The following RIN2 variants were observed in gnomAD, a reference collection of about 807,000 sequenced individuals.
RIN2 encodes the protein Ras and Rab interactor 2.
RIN2 carries 36 observed loss-of-function variants against 78.0 expected under a neutral mutation model. The ratio of observed to expected loss-of-function variants is 0.46; its 90% CI spans 0.35 to 0.61. The LOEUF is 0.61. Ranked by LOEUF, RIN2 falls within the 20% of genes least tolerant of loss-of-function variation. The pLI, the probability that RIN2 is intolerant of heterozygous loss-of-function variation, is 0.00. For missense variants in RIN2, 1,087 were observed against 1,159.7 expected, an observed-to-expected ratio of 0.94 and a Z score of 0.91; for synonymous variants, 466 against 466.8, an observed-to-expected ratio of 1.00 and a Z score of 0.02.
intron 9 of RIN2, among the ~76,000 whole-genome samples, chr20:19,979,587 A>G (rs902976610): frequency 2.0e-5 from 3 of 152,176 alleles, no homozygotes; most frequent in African/African-American, 4.8e-5. Flanking sequence ...AACAATCACA[A>G]CTACTCTGGT....
chr20:19,909,676 T>C (rs2039376893), intron 3 of RIN2, among the ~76,000 whole-genome samples: 1 of 152,214 alleles, frequency 6.6e-6, no homozygotes, highest in African/African-American at 2.4e-5. Flanking sequence ...CTTTTACAGA[T>C]GAGGAAACTG....
At chr20:19,935,449 C>T (rs946760673) in intron 4 of RIN2, 1 of 1,257,190 alleles carries the variant, frequency 8.0e-7, no homozygotes, top group Non-Finnish European at 1.0e-6. Context: ...AACCCGGAAA[C>T]CTAAAATTGT....
At chr20:19,991,439 T>C (rs912332046) in intron 10 of RIN2, among the ~76,000 whole-genome samples, 17 of 152,148 alleles carry the variant, frequency 1.1e-4, no homozygotes. Flanking sequence ...AATTCTTCTT[T>C]TGGGGGCTGC....
chr20:19,862,010 T>C (rs2037359274), intron 2 of RIN2, among the ~76,000 whole-genome samples: 1 of 151,804 alleles, frequency 6.6e-6, no homozygotes, highest in African/African-American at 2.4e-5. Context: ...TCACCCTCCA[T>C]ATCTGATGAT....
At chr20:19,823,920 G>C (rs1010206857) in intron 2 of RIN2, 2 of 1,579,700 alleles carry the variant, frequency 1.3e-6, no homozygotes, top group Non-Finnish European at 1.7e-6. Context: ...CTTTGATCTC[G>C]TTCGGGTCGA....
chr20:19,870,204 A>G (rs538894391), intron 2 of RIN2, among the ~76,000 whole-genome samples: 181 of 152,326 alleles, frequency 1.2e-3, no homozygotes, highest in Non-Finnish European at 2.2e-3. Context: ...CCTAATCATC[A>G]TATGATACTT....
At chr20:19,906,246 T>C (rs2039214086) in intron 3 of RIN2, among the ~76,000 whole-genome samples, 2 of 152,108 alleles carry the variant, frequency 1.3e-5, no homozygotes, top group Admixed American at 6.5e-5. Context: ...GTTTGGGAGT[T>C]TGAGACCAGC....
intron 1 of RIN2, among the ~76,000 whole-genome samples, chr20:19,782,997 C>T (rs1171096127): frequency 1.3e-5 from 2 of 152,156 alleles, no homozygotes; most frequent in African/African-American, 4.8e-5. Flanking sequence ...AAACCATTTC[C>T]ATCTCTCTTA....
At chr20:19,952,347 G>C (rs139273323) in intron 4 of RIN2, among the ~76,000 whole-genome samples, 5 of 152,202 alleles carry the variant, frequency 3.3e-5, no homozygotes, top group African/African-American at 1.2e-4. Flanking sequence ...CCCTAGAGGA[G>C]GGGCTCTAGG....
intron 3 of RIN2, chr20:19,934,603 T>C (rs1317101619): frequency 1.0e-6 from 1 of 983,956 alleles, no homozygotes; most frequent in Admixed American, 6.1e-5. Context: ...ATCATTTTGA[T>C]GTCGTCAGAA....
At chr20:19,822,649 AAT>A (rs2035960142) in intron 2 of RIN2, among the ~76,000 whole-genome samples, 1 of 126,838 alleles carries the variant, frequency 7.9e-6, no homozygotes, top group African/African-American at 4.0e-5. Flanking sequence ...ATGAGAGCAA[AAT>A]ACACACACAC....
chr20:19,784,519 G>A (rs966799276), intron 1 of RIN2, among the ~76,000 whole-genome samples: 1 of 152,018 alleles, frequency 6.6e-6, no homozygotes, highest in Non-Finnish European at 1.5e-5. Context: ...GTAGAATAAT[G>A]GTGGTTGCCT....
At chr20:19,914,017 C>T (rs998164969) in intron 3 of RIN2, among the ~76,000 whole-genome samples, 3 of 152,246 alleles carry the variant, frequency 2.0e-5, no homozygotes, top group East Asian at 1.9e-4. Context: ...TGATGGGGTG[C>T]GTGTGAAGTT....
chr20:19,880,499 G>A (rs931254848), intron 2 of RIN2, among the ~76,000 whole-genome samples: 2 of 138,622 alleles, frequency 1.4e-5, no homozygotes, highest in African/African-American at 2.7e-5. Context: ...AGGCTCAAGC[G>A]ATTCTTCCAC....
chr20:19,865,608 C>T (rs2037482624), intron 2 of RIN2, among the ~76,000 whole-genome samples: 1 of 151,580 alleles, frequency 6.6e-6, no homozygotes, highest in South Asian at 2.1e-4. Flanking sequence ...CCTCCTCAGC[C>T]TCTCAAAAAG....
chr20:19,997,485 A>C (rs1445278798), intron 12 of RIN2, among the ~76,000 whole-genome samples: 1 of 152,190 alleles, frequency 6.6e-6, no homozygotes, highest in Non-Finnish European at 1.5e-5. Context: ...AAGGCCAGGC[A>C]TCAGGGCTCA....
intron 12 of RIN2, 146 bp from the exon 13 acceptor site, chr20:20,000,467 A>T (rs2043108926): frequency 1.6e-6 from 1 of 633,900 alleles, no homozygotes; most frequent in Non-Finnish European, 2.7e-6. Flanking sequence ...TTTCCTTGCC[A>T]TTCGAAGCCT....
chr20:19,764,056 T>G (rs543432784), intron 1 of RIN2, among the ~76,000 whole-genome samples: 1 of 152,334 alleles, frequency 6.6e-6, no homozygotes, highest in Admixed American at 6.5e-5. Flanking sequence ...ACATTTGTAT[T>G]TTTAATGAGT....
At chr20:19,907,409 G>T (rs1471931861) in intron 3 of RIN2, among the ~76,000 whole-genome samples, 1 of 152,218 alleles carries the variant, frequency 6.6e-6, no homozygotes, top group Non-Finnish European at 1.5e-5. Flanking sequence ...GCTGGGGGTT[G>T]CCCTGGCCTG....
Sources: allele counts gnomAD v4.1 joint callset (sites outside exome capture counted in the v4.1 genomes callset), GRCh38; gene constraint gnomAD v4.1.1; transcripts MANE v1.5; gene names NCBI Gene and HGNC (gene_info 2026-07-23, HGNC 2026-07-21).